Variants in UBE2V2 observed in about 807,000 individuals in gnomAD.
UBE2V2 encodes the protein ubiquitin-conjugating enzyme E2 variant 2.
A neutral mutation model predicts 17.2 loss-of-function variants in UBE2V2; 9 were observed. That is an observed-to-expected ratio of 0.52 (90% CI 0.32 to 0.91). The LOEUF (loss-of-function observed/expected upper bound fraction) is 0.91. Ranked by LOEUF, UBE2V2 falls within the 40% of genes least tolerant of loss-of-function variation. UBE2V2 has a pLI of 0.04. For synonymous variants in UBE2V2, 61 were observed against 57.5 expected (o/e 1.06, Z -0.28); for missense variants, 133 against 182.6 (o/e 0.73, Z 1.56).
At chr8:48,026,121 T>C (rs1470603617) in intron 1 of UBE2V2, among the ~76,000 whole-genome samples, 1 of 152,114 alleles carries the variant, frequency 6.6e-6, no homozygotes, top group Non-Finnish European at 1.5e-5. Flanking sequence ...TATTCTTCCT[T>C]TTACCTACTT....
intron 1 of UBE2V2, among the ~76,000 whole-genome samples, chr8:48,022,165 G>T (rs1343303238): frequency 4.1e-5 from 6 of 144,718 alleles, no homozygotes; most frequent in African/African-American, 1.3e-4. Context: ...TGGAGACAGT[G>T]TCGTTCTTGT....
chr8:48,009,967 T>G (rs1044859782), intron 1 of UBE2V2, among the ~76,000 whole-genome samples: 6 of 152,198 alleles, frequency 3.9e-5, no homozygotes, highest in Non-Finnish European at 7.3e-5. Flanking sequence ...ACAGTTGTGC[T>G]TAGGACCTCT....
At chr8:48,041,162 C>G (rs1447509322) in intron 1 of UBE2V2, among the ~76,000 whole-genome samples, 3 of 146,214 alleles carry the variant, frequency 2.1e-5, no homozygotes, top group Non-Finnish European at 4.5e-5. Context: ...CTGTGCCCGG[C>G]CTTTTTTGTT....
At chr8:48,002,863 G>A in the UBE2V2 span, among the ~76,000 whole-genome samples, 1 of 152,064 alleles carries the variant, frequency 6.6e-6, no homozygotes, top group African/African-American at 2.4e-5. Flanking sequence ...TAATTAAGTT[G>A]ATTTAGCCAT....
At position 48,061,018 on chromosome 8, in the gene UBE2V2, C is replaced by T; in HGVS notation, c.*190C>T. On this transcript the variant is annotated 3_prime_UTR_variant, in exon 4 of 4. Transcript: ENST00000523111. ...TTTTCAGGTAACAGGAGGAAAAATGCAGCACAATTTTTTTTCTCTTGAAAG... is the reference window on the plus strand; with the variant it reads ...TTTTCAGGTAACAGGAGGAAAAATGTAGCACAATTTTTTTTCTCTTGAAAG... 2.1e-6 allele frequency: 1 copy of T among 471,682 alleles called. No homozygotes were observed. Among genetic ancestry groups the T allele is most frequent in the East Asian group, 4.0e-5 (1 of 25,122 alleles). 29.2% of individuals were successfully genotyped at this position (471,682 alleles called of 1,614,324 possible).
At chr8:48,023,977 A>C (rs918933410) in intron 1 of UBE2V2, among the ~76,000 whole-genome samples, 4 of 152,178 alleles carry the variant, frequency 2.6e-5, no homozygotes, top group Admixed American at 2.0e-4. Context: ...TAAGTTTGAC[A>C]TATGTAAGAT....
intron 1 of UBE2V2, among the ~76,000 whole-genome samples, chr8:48,021,352 G>A (rs1357735000): frequency 1.5e-5 from 2 of 133,168 alleles, no homozygotes; most frequent in Admixed American, 9.0e-5. Context: ...TGTCGCCCAC[G>A]CTGGAGTGCA....
At chr8:48,018,792 G>A (rs1293516174) in intron 1 of UBE2V2, among the ~76,000 whole-genome samples, 1 of 152,120 alleles carries the variant, frequency 6.6e-6, no homozygotes, top group African/African-American at 2.4e-5. Flanking sequence ...CTATCTTTCA[G>A]ATCTATTAAT....
At chr8:48,008,042 C>G (rs1254731022), upstream of UBE2V2, among the ~76,000 whole-genome samples, 2 of 152,152 alleles carry the variant, frequency 1.3e-5, no homozygotes, top group Non-Finnish European at 2.9e-5. Flanking sequence ...GTGCCTCAGC[C>G]TCCCAAATAG....
intron 3 of UBE2V2, among the ~76,000 whole-genome samples, chr8:48,051,711 G>C (rs540939273): frequency 2.5e-4 from 38 of 152,210 alleles, no homozygotes; most frequent in African/African-American, 7.5e-4. Context: ...TTCACAGCCA[G>C]CTCCCTGCCC....
upstream of UBE2V2, among the ~76,000 whole-genome samples, chr8:48,004,048 A>G (rs1464560261): frequency 6.6e-6 from 1 of 152,138 alleles, no homozygotes; most frequent in Admixed American, 6.5e-5. Context: ...TTCTGCTATA[A>G]CTACCTATGG....
At chr8:48,028,427 C>T (rs1205484004) in intron 1 of UBE2V2, among the ~76,000 whole-genome samples, 1 of 151,746 alleles carries the variant, frequency 6.6e-6, no homozygotes, top group Non-Finnish European at 1.5e-5. Flanking sequence ...CAACCTCTGC[C>T]TCCTGAGTTC....
chr8:48,026,215 T>C (rs2091344271), intron 1 of UBE2V2, among the ~76,000 whole-genome samples: 2 of 152,078 alleles, frequency 1.3e-5, no homozygotes, highest in African/African-American at 4.8e-5. Flanking sequence ...CTGGGAAGAT[T>C]GGACAACAGC....
upstream of UBE2V2, among the ~76,000 whole-genome samples, chr8:48,006,558 G>A (rs1236169493): frequency 1.3e-5 from 2 of 152,064 alleles, no homozygotes; most frequent in Non-Finnish European, 1.5e-5. Flanking sequence ...CTGGCAAACC[G>A]AATCCAGCAG....
chr8:48,063,411 TAAG>T lies in UBE2V2; in HGVS notation c.*2584_*2586del, dbSNP rs1802623114. On this transcript the variant is annotated 3_prime_UTR_variant, in exon 4 of 4. Transcript: ENST00000523111. ...TTTTTCCTTTGTTTTGTAAAGTGGC[TAAG>T]GTTGTAGGAGTGTGTGGTATTTATT... is the stretch of plus-strand genomic sequence containing the variant. 1 of 152,238 alleles carries T rather than the reference TAAG, an allele frequency of 6.6e-6. No individual in the cohort carries two copies. The highest frequency in any genetic ancestry group is 2.4e-5 in the African/African-American group (1 of 41,462). 9.4% of individuals were successfully genotyped at this position (152,238 alleles called of 1,614,324 possible). A position where few individuals can be genotyped will look rare whatever the true frequency, so the allele number is the denominator to read the frequency against.
At chr8:48,003,330 T>A in the UBE2V2 span, among the ~76,000 whole-genome samples, 1 of 151,972 alleles carries the variant, frequency 6.6e-6, no homozygotes, top group Non-Finnish European at 1.5e-5. Context: ...TCAGATTCCA[T>A]AATTGGATGG....
intron 1 of UBE2V2, among the ~76,000 whole-genome samples, chr8:48,009,512 C>T (rs192455907): frequency 1.3e-5 from 2 of 152,288 alleles, no homozygotes; most frequent in East Asian, 1.9e-4. Flanking sequence ...GTGATCCGCC[C>T]ACTTCGGCCT....
chr8:48,012,533 A>G (rs1297075207), intron 1 of UBE2V2, among the ~76,000 whole-genome samples: 2 of 152,042 alleles, frequency 1.3e-5, no homozygotes, highest in African/African-American at 4.8e-5. Flanking sequence ...AGCTGGACCA[A>G]CATGGAGAAA....
chr8:48,000,329 T>G, the UBE2V2 span, among the ~76,000 whole-genome samples: 1 of 152,228 alleles, frequency 6.6e-6, no homozygotes, highest in African/African-American at 2.4e-5. Context: ...GTCTCCCACT[T>G]TAAGGTCCAT....
Sources: allele counts gnomAD v4.1 joint callset (sites outside exome capture counted in the v4.1 genomes callset), GRCh38; gene constraint gnomAD v4.1.1; transcripts MANE v1.5; gene names NCBI Gene and HGNC (gene_info 2026-07-23, HGNC 2026-07-21).